VWF: variants seen among roughly 807,000 people sequenced by gnomAD.
The protein encoded by VWF is von Willebrand factor.
In VWF, 176 loss-of-function variants were observed where a neutral mutation model predicts 308.6. The observed-to-expected ratio is 0.57, with a 90% CI of 0.50 to 0.65. The LOEUF is 0.65. VWF is among the 30% of genes least tolerant of loss of function. The pLI is 0.00. For missense variants in VWF, 3,146 were observed against 3,648.2 expected (o/e 0.86, Z 3.55); for synonymous variants, 1,385 against 1,443.4 (o/e 0.96, Z 0.92).
At chr12:6,092,540 CGCGT>C (rs1945049056) in intron 6 of VWF, among the ~76,000 whole-genome samples, 1 of 148,502 alleles carries the variant, frequency 6.7e-6, no homozygotes, top group Non-Finnish European at 1.5e-5. Flanking sequence ...TGTGTGCACG[CGCGT>C]GTGCCACCAT....
intron 34 of VWF, among the ~76,000 whole-genome samples, chr12:5,997,413 C>T (rs184875014): frequency 6.4e-4 from 98 of 152,336 alleles, no homozygotes; most frequent in Non-Finnish European, 9.8e-4. Flanking sequence ...GTGAGAATGG[C>T]TCTGCCCACC....
Position 6,064,255 on chromosome 12 carries a change from G to C in VWF, c.1423C>G (p.Leu475Val), listed in dbSNP as rs751311885. Residue 475 changes from leucine to valine, a missense_variant, in exon 12 of 52, where the codon CTC (leucine) becomes GTC (valine). Physicochemically the swap from Leu to Val is conservative, Grantham distance 32. Transcript: ENST00000261405. ...AMDGQDVQLPLLKGDLRIQHT... is the reference protein window; with the variant it reads ...AMDGQDVQLPVLKGDLRIQHT... ...GCAGGACGAAGCATACCTTTCAGGA[G>C]GGGGAGCTGGACGTCCTGGCCATCC... The C allele has an allele frequency of 3.1e-6, 5 of 1,614,152 alleles. No homozygotes were observed. The East Asian group carries it at 6.7e-5, about 22-fold the overall frequency.
At chr12:6,039,182 A>G (rs942031789) in intron 18 of VWF, among the ~76,000 whole-genome samples, 1 of 152,214 alleles carries the variant, frequency 6.6e-6, no homozygotes, top group Non-Finnish European at 1.5e-5. Context: ...GATAAAGTCT[A>G]TGAATGTCCC....
rs1591894400 is a variant in VWF, at chr12:6,063,187, G to T, written c.1433-133C>A. On this transcript the variant is annotated intron_variant, in intron 12 of 51. Transcript: ENST00000261405. The surrounding 1 kb of genome is among the most constrained non-coding windows in gnomAD (Gnocchi z 4.9). ...GAAGAGCAATGACTTAGGGGCAGAT[G>T]GGGTGGCCATGAGGTTTAAGGGGGT... is the stretch of plus-strand genomic sequence containing the variant. The T allele has an allele frequency of 7.9e-6, 6 of 759,666 alleles. No homozygotes were observed. Among genetic ancestry groups the T allele is most frequent in the Non-Finnish European group, 1.4e-5 (6 of 442,512 alleles). The allele number at this position is 759,666 out of a possible 1,614,324, so 47.1% of individuals were successfully genotyped here. A position where few individuals can be genotyped will look rare whatever the true frequency, so the allele number is the denominator to read the frequency against.
chr12:6,101,872 A>T (rs985702244), intron 5 of VWF, among the ~76,000 whole-genome samples: 2 of 151,132 alleles, frequency 1.3e-5, no homozygotes, highest in African/African-American at 4.9e-5. Context: ...TCTAAATCTG[A>T]TGAAAGATAG....
chr12:5,953,141 C>T (rs1053388689), intron 48 of VWF, among the ~76,000 whole-genome samples: 7 of 152,000 alleles, frequency 4.6e-5, no homozygotes, highest in South Asian at 2.1e-4. Flanking sequence ...ACAGGGAAAT[C>T]GCTTGAACCC....
intron 6 of VWF, among the ~76,000 whole-genome samples, chr12:6,092,636 T>TGAGAGAGAGAGAGAGAGA (rs1945060337): frequency 1.3e-5 from 1 of 75,996 alleles, no homozygotes; most frequent in African/African-American, 1.1e-4. Flanking sequence ...TGTGTGTGTG[T>TGAGAGAGAGAGAGAGAGA]GTGTGTGTGT....
At chr12:5,972,187 T>A (rs1292276577) in intron 43 of VWF, among the ~76,000 whole-genome samples, 1 of 152,184 alleles carries the variant, frequency 6.6e-6, no homozygotes, top group African/African-American at 2.4e-5. Context: ...CCCAAGAGGT[T>A]ACTTGACATT....
At chr12:5,983,568 A>AGATAAAGGATAGAT (rs1482342873) in intron 40 of VWF, among the ~76,000 whole-genome samples, 1 of 152,132 alleles carries the variant, frequency 6.6e-6, no homozygotes, top group Non-Finnish European at 1.5e-5. Flanking sequence ...GATAGATGAT[A>AGATAAAGGATAGAT]GATACACAGC....
At chr12:5,951,556 G>A (rs888086929) in intron 50 of VWF, among the ~76,000 whole-genome samples, 2 of 152,204 alleles carry the variant, frequency 1.3e-5, no homozygotes, top group African/African-American at 4.8e-5. Flanking sequence ...AGGCACATAA[G>A]AAGCTGGAGA....
At chr12:5,970,843 G>T (rs1943464529) in intron 44 of VWF, among the ~76,000 whole-genome samples, 1 of 152,224 alleles carries the variant, frequency 6.6e-6, no homozygotes, top group Non-Finnish European at 1.5e-5. Context: ...AGCTCCCAAG[G>T]CTGCCAGGAC....
At chr12:6,122,947 C>T in intron 2 of VWF, 195 bp downstream of exon 2, 1 of 763,056 alleles carries the variant, frequency 1.3e-6, no homozygotes. Context: ...CAGGAGATGG[C>T]ATTTGCAGGC....
intron 31 of VWF, among the ~76,000 whole-genome samples, chr12:6,015,099 T>A (rs1944041457): frequency 6.6e-6 from 1 of 152,246 alleles, no homozygotes; most frequent in South Asian, 2.1e-4. Context: ...ATTATCCAAA[T>A]ATATATCCTT....
At chr12:5,981,677 G>T in intron 42 of VWF, 109 bp downstream of exon 42, 2 of 1,235,288 alleles carry the variant, frequency 1.6e-6, no homozygotes, top group Non-Finnish European at 2.4e-6. Flanking sequence ...AGCAAATATT[G>T]GATGGGTAGG....
intron 15 of VWF, among the ~76,000 whole-genome samples, chr12:6,054,041 G>A (rs530068929): frequency 1.3e-5 from 2 of 152,250 alleles, no homozygotes; most frequent in African/African-American, 4.8e-5. Flanking sequence ...CCTCACCCTG[G>A]GCATGCTTCT....
chr12:6,012,281 G>A (rs563766554), intron 32 of VWF, 151 bp from the exon 33 acceptor site: 1 of 866,284 alleles, frequency 1.2e-6, no homozygotes, highest in South Asian at 1.4e-5. Context: ...GAGACATAGG[G>A]ACATGAGGCT....
rs1944235967 is a variant in VWF, at chr12:6,029,627, C to T, written c.2821-139G>A. On this transcript the variant is annotated intron_variant, in intron 21 of 51. Coordinates refer to ENST00000261405, the MANE Select transcript of VWF (RefSeq NM_000552.5). ...TGCCACCCCTCCAGGACCCCACCTGCCACTGCACCCCTGCAGGGCCAGCCC... is the reference window on the plus strand; with the variant it reads ...TGCCACCCCTCCAGGACCCCACCTGTCACTGCACCCCTGCAGGGCCAGCCC... 8.1e-6 allele frequency: 9 copies of T among 1,111,638 alleles called. 1 individual carries two copies. Among genetic ancestry groups the T allele is most frequent in the South Asian group, 2.7e-5 (2 of 74,666 alleles). 68.9% of individuals were successfully genotyped at this position (1,111,638 alleles called of 1,614,324 possible).
intron 6 of VWF, among the ~76,000 whole-genome samples, chr12:6,088,968 G>T (rs1003633265): frequency 1.3e-5 from 2 of 152,184 alleles, no homozygotes; most frequent in Admixed American, 6.5e-5. Context: ...CTGACTCCTT[G>T]CTATGCCCTA....
chr12:6,086,116 G>C (rs547569391), intron 6 of VWF, among the ~76,000 whole-genome samples: 1 of 152,250 alleles, frequency 6.6e-6, no homozygotes, highest in East Asian at 1.9e-4. Flanking sequence ...GTTCCGTGGA[G>C]CTCTGTTTAC....
Sources: allele counts gnomAD v4.1 joint callset (sites outside exome capture counted in the v4.1 genomes callset), GRCh38; gene constraint gnomAD v4.1.1; non-coding constraint Gnocchi (gnomAD v3.1); transcripts MANE v1.5; gene names NCBI Gene and HGNC (gene_info 2026-07-23, HGNC 2026-07-21).